The following PRDM1 variants were observed in gnomAD, a reference collection of about 807,000 sequenced individuals.
PRDM1 encodes PR/SET domain 1, also known as PR domain zinc finger protein 1.
PRDM1 carries 13 observed loss-of-function variants against 62.8 expected under a neutral mutation model. The ratio of observed to expected loss-of-function variants is 0.21; its 90% CI spans 0.13 to 0.33. PRDM1 has a LOEUF of 0.33. PRDM1 is among the 10% of genes least tolerant of loss of function. PRDM1 has a pLI of 1.00. For synonymous variants in PRDM1, 396 were observed against 417.6 expected (o/e 0.95, Z 0.63); for missense variants, 895 against 1,058.8 (o/e 0.85, Z 2.15).
chr6:106,042,287 G>A (rs1190694218), intron 1 of PRDM1, among the ~76,000 whole-genome samples: 1 of 150,954 alleles, frequency 6.6e-6, no homozygotes, highest in Non-Finnish European at 1.5e-5. Flanking sequence ...TTGGGAGGTC[G>A]AGGCGGGCAG....
intron 1 of PRDM1, among the ~76,000 whole-genome samples, chr6:106,004,443 A>G (rs1386457962): frequency 1.3e-5 from 2 of 152,228 alleles, no homozygotes; most frequent in East Asian, 1.9e-4. Flanking sequence ...AGAGACTGCT[A>G]TTTGTGGCAC....
At chr6:106,083,052 G>A (rs1222871121), upstream of PRDM1, among the ~76,000 whole-genome samples, 1 of 152,050 alleles carries the variant, frequency 6.6e-6, no homozygotes, top group African/African-American at 2.4e-5. Flanking sequence ...GGCTGTTAAA[G>A]TTTAAAAACC....
intron 1 of PRDM1, among the ~76,000 whole-genome samples, chr6:106,060,094 A>T (rs1277037510): frequency 6.6e-6 from 1 of 152,218 alleles, no homozygotes; most frequent in East Asian, 1.9e-4. Context: ...AGTTGTCAGC[A>T]TGTAGTTAAT....
In PRDM1 at chr6:106,053,009, C is replaced by G. The variant is rs79192120; in HGVS notation, c.-67+4295C>G. 8.0e-3 allele frequency among the ~76,000 whole-genome samples: 1,215 copies of G among 151,818 alleles called. 19 individuals carry two copies. The highest frequency in any genetic ancestry group is 0.028 in the African/African-American group (1,172 of 41,406). On this transcript the variant is annotated intron_variant, in intron 1 of 6. Coordinates refer to the PRDM1 transcript ENST00000651185. The stretch of plus-strand genomic sequence containing the variant: ...GTCACTATTTAGAGGAAATTAAAAC[C>G]TAAAAAAACCCTCAAATATTAAATA...
chr6:106,088,503 T>C, intron 2 of PRDM1, 54 bp downstream of exon 2: 3 of 1,608,102 alleles, frequency 1.9e-6, no homozygotes, highest in Non-Finnish European at 2.6e-6. Context: ...CAAATCTCCC[T>C]ACTTGCCCTT....
chr6:105,993,240 T>G (rs1258209819), upstream of PRDM1, among the ~76,000 whole-genome samples: 15 of 152,346 alleles, frequency 9.8e-5, no homozygotes, highest in East Asian at 1.9e-4. Flanking sequence ...TGGGTTAGGT[T>G]CTCTTACAAA....
intron 1 of PRDM1, among the ~76,000 whole-genome samples, chr6:106,034,663 G>A (rs1470492952): frequency 5.6e-5 from 6 of 107,384 alleles, no homozygotes; most frequent in East Asian, 6.0e-4. Context: ...TTGAGATGGA[G>A]TCTCCCTCTA....
chr6:106,044,722 TTA>T (rs1209035815), upstream of PRDM1, among the ~76,000 whole-genome samples: 2 of 152,170 alleles, frequency 1.3e-5, no homozygotes, highest in African/African-American at 4.8e-5. Flanking sequence ...AGCATGGTAG[TTA>T]TCAAAGACAG....
At chr6:106,096,446 A>C (rs1467804370) in intron 3 of PRDM1, among the ~76,000 whole-genome samples, 1 of 152,206 alleles carries the variant, frequency 6.6e-6, no homozygotes, top group Non-Finnish European at 1.5e-5. Context: ...GCGCCCAGCC[A>C]GGAATGACAA....
At chr6:106,004,314 CAG>C (rs1432516515) in intron 1 of PRDM1, among the ~76,000 whole-genome samples, 3 of 150,078 alleles carry the variant, frequency 2.0e-5, no homozygotes, top group Non-Finnish European at 2.9e-5. Context: ...AGAAAAAAAA[CAG>C]TAACATATAT....
chr6:106,024,715 G>A (rs1772742715), intron 1 of PRDM1, among the ~76,000 whole-genome samples: 1 of 152,094 alleles, frequency 6.6e-6, no homozygotes. Context: ...TGGTTTTTCT[G>A]GTGGCTTTTA....
chr6:106,059,886 T>C (rs1198752329), intron 1 of PRDM1, among the ~76,000 whole-genome samples: 9 of 152,204 alleles, frequency 5.9e-5, no homozygotes, highest in Non-Finnish European at 1.2e-4. Context: ...ATTCCTAAGT[T>C]CGATTTTGGT....
At chr6:106,016,680 G>A (rs529909211) in intron 1 of PRDM1, among the ~76,000 whole-genome samples, 4 of 126,390 alleles carry the variant, frequency 3.2e-5, no homozygotes, top group East Asian at 4.4e-4. Flanking sequence ...ACAAAGTCTC[G>A]CTCTGTCACC....
At chr6:106,020,182 C>CAAA (rs371335498) in intron 1 of PRDM1, among the ~76,000 whole-genome samples, 4 of 102,620 alleles carry the variant, frequency 3.9e-5, no homozygotes, top group Non-Finnish European at 5.8e-5. Context: ...GACTCTGTCT[C>CAAA]AAAAAAAAAA....
chr6:106,022,498 G>C lies in PRDM1; in HGVS notation c.-67+28859G>C, dbSNP rs544231646. ...GGCTGTAGTGCAATGGCTTGATCTC[G>C]GCTCACTGCAACCTCCGCCTCTTGG... On this transcript the variant is annotated intron_variant, in intron 1 of 6. Coordinates refer to the PRDM1 transcript ENST00000652320. 1.1e-4 allele frequency among the ~76,000 whole-genome samples: 17 copies of C among 150,120 alleles called. 1 individual carries two copies. Among genetic ancestry groups the C allele is most frequent in the African/African-American group, 4.2e-4 (17 of 40,786 alleles).
chr6:106,078,041 T>A (rs1773631397), intron 1 of PRDM1, among the ~76,000 whole-genome samples: 1 of 152,238 alleles, frequency 6.6e-6, no homozygotes, highest in African/African-American at 2.4e-5. Context: ...ATCTACTTCC[T>A]GCGTCCATCT....
In PRDM1 at chr6:106,105,483, G is replaced by A. The variant is rs1275691305; in HGVS notation, c.1323G>A (p.Pro441=). The A allele has an allele frequency of 1.9e-6, 3 of 1,613,984 alleles. No individual in the cohort carries two copies. The highest frequency in any genetic ancestry group is 2.5e-6 in the Non-Finnish European group (3 of 1,179,996). ...MNGINNFGLF[P]RLCPVYSNLL... ...GCATCAACAACTTTGGCCTCTTCCC[G>A]AGGCTGTGCCCTGTCTACAGCAATC... The change falls in exon 5 of 7, where the codon CCG becomes CCA. Residue 441 remains proline, a synonymous_variant. Transcript: ENST00000369096.
At chr6:106,076,473 G>GT (rs2114605531) in intron 1 of PRDM1, among the ~76,000 whole-genome samples, 1 of 152,230 alleles carries the variant, frequency 6.6e-6, no homozygotes, top group East Asian at 1.9e-4. Flanking sequence ...TGTTGATTAT[G>GT]TTACATCAGT....
chr6:106,103,763 A>G (rs577599352), intron 4 of PRDM1, among the ~76,000 whole-genome samples: 7 of 152,230 alleles, frequency 4.6e-5, no homozygotes, highest in African/African-American at 1.7e-4. Context: ...CGTCTTTGGG[A>G]ATAAGTGCTT....
Sources: gnomAD v4.1 joint callset for allele counts (sites outside exome capture counted in the v4.1 genomes callset) on GRCh38, gnomAD v4.1.1 for gene constraint, MANE v1.5 for transcripts, NCBI Gene and HGNC (gene_info 2026-07-23, HGNC 2026-07-21) for gene names.